The following MYPN variants were observed in gnomAD, a reference collection of about 807,000 sequenced individuals.
MYPN encodes the protein myopalladin.
MYPN carries 63 observed loss-of-function variants against 129.4 expected under a neutral mutation model. That is an observed-to-expected ratio of 0.49 (90% confidence interval 0.40 to 0.60). MYPN has a LOEUF of 0.60. Among genes scored for constraint, MYPN ranks in the 20% least tolerant of loss-of-function variants. MYPN has a pLI of 0.00. For synonymous variants in MYPN, 629 were observed against 600.9 expected (o/e 1.05, Z -0.68); for missense variants, 1,596 against 1,635.4 (o/e 0.98, Z 0.42).
intron 10 of MYPN, among the ~76,000 whole-genome samples, chr10:68,172,730 T>C (rs2043161642): frequency 6.6e-6 from 1 of 152,168 alleles, no homozygotes; most frequent in Non-Finnish European, 1.5e-5. Flanking sequence ...GAGCATATAA[T>C]CATCATTCAA....
At chr10:68,149,120 C>T (rs770747012) in intron 5 of MYPN, among the ~76,000 whole-genome samples, 19 of 151,354 alleles carry the variant, frequency 1.3e-4, no homozygotes, top group South Asian at 4.2e-4. Context: ...CCCAGCTACT[C>T]GGGAGGCTGA....
At chr10:68,203,134 T>A (rs1424120142) in intron 18 of MYPN, among the ~76,000 whole-genome samples, 1 of 152,164 alleles carries the variant, frequency 6.6e-6, no homozygotes, top group Non-Finnish European at 1.5e-5. Context: ...CAGCTCGGTT[T>A]AGTCACCACT....
At chr10:68,116,928 G>T (rs970384734) in intron 1 of MYPN, among the ~76,000 whole-genome samples, 18 of 151,864 alleles carry the variant, frequency 1.2e-4, no homozygotes, top group African/African-American at 4.4e-4. Flanking sequence ...ACAATCAAAA[G>T]TGAAAGATAG....
chr10:68,176,943 C>T (rs2043236345), intron 12 of MYPN, among the ~76,000 whole-genome samples: 1 of 152,210 alleles, frequency 6.6e-6, no homozygotes, highest in South Asian at 2.1e-4. Context: ...ATAATACTGT[C>T]ACCACACTTG....
At chr10:68,202,950 C>G (rs1163354560) in intron 18 of MYPN, among the ~76,000 whole-genome samples, 2 of 152,162 alleles carry the variant, frequency 1.3e-5, no homozygotes, top group African/African-American at 4.8e-5. Flanking sequence ...ATGCTCCAAT[C>G]TAACAATGCA....
intron 10 of MYPN, among the ~76,000 whole-genome samples, chr10:68,172,105 G>A (rs758073909): frequency 3.3e-5 from 5 of 152,148 alleles, no homozygotes; most frequent in African/African-American, 7.2e-5. Flanking sequence ...TGTAATTCTA[G>A]CACTTTTGGA....
intron 13 of MYPN, among the ~76,000 whole-genome samples, chr10:68,192,586 A>G (rs2043532546): frequency 6.6e-6 from 1 of 152,106 alleles, no homozygotes; most frequent in Non-Finnish European, 1.5e-5. Context: ...AGTAGAATTG[A>G]TATTAGTTCT....
At chr10:68,141,337 C>G (rs1564658158) in intron 2 of MYPN, among the ~76,000 whole-genome samples, 2 of 150,950 alleles carry the variant, frequency 1.3e-5, no homozygotes, top group Non-Finnish European at 1.5e-5. Context: ...CCACTGCACT[C>G]CAATCTGGTG....
At position 68,140,266 on chromosome 10, in the gene MYPN, A is replaced by G. The variant is rs1438856160; in HGVS notation, c.903-2674A>G. Reference sequence around the variant, plus strand: ...CCAGAAATCAGATCTGGAAAGGCAAATATGGATGATGGCCCAAATAGAGGT... The same window carrying G: ...CCAGAAATCAGATCTGGAAAGGCAAGTATGGATGATGGCCCAAATAGAGGT... On this transcript the variant is annotated intron_variant, in intron 2 of 19. Coordinates refer to ENST00000358913, the MANE Select transcript of MYPN (RefSeq NM_032578.4). Among the ~76,000 whole-genome samples the G allele has an allele frequency of 1.3e-5, 2 of 152,314 alleles. 1 individual carries two copies. The highest frequency in any genetic ancestry group is 4.1e-4 in the South Asian group (2 of 4,820).
chr10:68,192,927 T>G (rs1402297462), intron 13 of MYPN, among the ~76,000 whole-genome samples: 1 of 152,126 alleles, frequency 6.6e-6, no homozygotes, highest in East Asian at 1.9e-4. Context: ...TTAGTCTAGC[T>G]AAATGTTTGT....
In MYPN at chr10:68,120,403, G is replaced by A. The variant is rs2042224889; in HGVS notation, c.-1-1035G>A. 2.0e-5 allele frequency among the ~76,000 whole-genome samples: 3 copies of A among 152,158 alleles called. No individual in the cohort carries two copies. In the South Asian group the frequency reaches 6.2e-4, roughly 32 times the overall value. Reference sequence around the variant, plus strand: ...ATTCAAAAGTTAGGAAGAACACAGAGCGAAGTCTCCTGCCAAGCATCATAT... The same window carrying A: ...ATTCAAAAGTTAGGAAGAACACAGAACGAAGTCTCCTGCCAAGCATCATAT... On this transcript the variant is annotated intron_variant, in intron 1 of 19. Coordinates refer to ENST00000358913, the MANE Select transcript of MYPN (RefSeq NM_032578.4).
intron 1 of MYPN, among the ~76,000 whole-genome samples, chr10:68,115,469 G>A (rs962225534): frequency 2.0e-5 from 3 of 151,994 alleles, no homozygotes; most frequent in Non-Finnish European, 4.4e-5. Flanking sequence ...TCAGCAAACC[G>A]CATTGGCTCT....
Position 68,199,386 on chromosome 10 carries a change from C to A in MYPN, c.3304C>A (p.Pro1102Thr). 6.2e-7 allele frequency: 1 copy of A among 1,614,024 alleles called. No homozygotes were observed. Among genetic ancestry groups the A allele is most frequent in the East Asian group, 2.2e-5 (1 of 44,874 alleles). ...LDCKVSGLPP[P>T]ELTWLLNGQP... is the part of the protein sequence containing the mutation. Reference sequence around the variant, plus strand: ...TTATTAGGTGAGTGGTTTACCGCCCCCGGAGCTGACATGGCTACTCAATGG... The same window carrying A: ...TTATTAGGTGAGTGGTTTACCGCCCACGGAGCTGACATGGCTACTCAATGG... Residue 1102 changes from proline to threonine, a missense_variant, in exon 17 of 20, where the codon CCG becomes ACG. Physicochemically the swap from Pro to Thr is conservative, Grantham distance 38. Coordinates refer to ENST00000358913, the MANE Select transcript of MYPN (RefSeq NM_032578.4).
chr10:68,110,358 T>C (rs2042065712), intron 1 of MYPN, among the ~76,000 whole-genome samples: 1 of 152,224 alleles, frequency 6.6e-6, no homozygotes. Context: ...TACATTGCAC[T>C]ATTAGCAGTA....
chr10:68,129,387 AT>A (rs958743940), intron 2 of MYPN, among the ~76,000 whole-genome samples: 32 of 152,218 alleles, frequency 2.1e-4, no homozygotes, highest in Admixed American at 1.9e-3. Context: ...TACTACTTGA[AT>A]TTTTTTCTTT....
At chr10:68,126,974 C>T (rs2042335279) in intron 2 of MYPN, among the ~76,000 whole-genome samples, 1 of 152,180 alleles carries the variant, frequency 6.6e-6, no homozygotes, top group African/African-American at 2.4e-5. Context: ...CTAGTTGGTT[C>T]AGTCCAGTGC....
chr10:68,161,619 A>G (rs2042978024), intron 7 of MYPN, 110 bp from the exon 8 acceptor site: 3 of 779,118 alleles, frequency 3.9e-6, no homozygotes, highest in African/African-American at 3.5e-5. Flanking sequence ...ATCTTATTGT[A>G]TCACTCCTGA....
intron 18 of MYPN, among the ~76,000 whole-genome samples, chr10:68,203,469 G>A (rs1170687538): frequency 6.8e-6 from 1 of 148,084 alleles, no homozygotes. Flanking sequence ...CACACCTGTA[G>A]TCCCAGCTAC....
intron 2 of MYPN, among the ~76,000 whole-genome samples, chr10:68,124,917 C>A (rs1440953965): frequency 1.3e-5 from 2 of 152,114 alleles, no homozygotes; most frequent in Non-Finnish European, 2.9e-5. Flanking sequence ...CACTACAGCC[C>A]CATGACAGCT....
Sources: gnomAD v4.1 joint callset for allele counts (sites outside exome capture counted in the v4.1 genomes callset) on GRCh38, gnomAD v4.1.1 for gene constraint, MANE v1.5 for transcripts, NCBI Gene and HGNC (gene_info 2026-07-23, HGNC 2026-07-21) for gene names.